GNA11: variants seen among roughly 807,000 people sequenced by gnomAD.
GNA11 encodes G protein subunit alpha 11.
A neutral mutation model predicts 38.2 loss-of-function variants in GNA11; 8 were observed. The ratio of observed to expected loss-of-function variants is 0.21; its 90% CI spans 0.12 to 0.38. The LOEUF (loss-of-function observed/expected upper bound fraction) is 0.38, where lower values mean the gene tolerates loss of function less well. Ranked by LOEUF, GNA11 falls within the 10% of genes least tolerant of loss-of-function variation. GNA11 has a pLI of 1.00. For synonymous variants in GNA11, 211 were observed against 221.4 expected, an observed-to-expected ratio of 0.95 and a Z score of 0.42; for missense variants, 268 against 516.3, an observed-to-expected ratio of 0.52 and a Z score of 4.66.
At chr19:3,102,217 A>G (rs1412974803) in intron 1 of GNA11, among the ~76,000 whole-genome samples, 1 of 152,124 alleles carries the variant, frequency 6.6e-6, no homozygotes, top group Non-Finnish European at 1.5e-5. Flanking sequence ...GCCAGTCTGC[A>G]CGGAAGCCTC....
In GNA11 at chr19:3,119,136, C is replaced by A. The variant is rs1914001803; in HGVS notation, c.736-70C>A. The A allele has an allele frequency of 6.2e-7, 1 of 1,604,332 alleles. No homozygotes were observed. Among genetic ancestry groups the A allele is most frequent in the South Asian group, 1.1e-5 (1 of 90,764 alleles). On this transcript the variant is annotated intron_variant, in intron 5 of 6. Coordinates refer to ENST00000078429, the MANE Select transcript of GNA11 (RefSeq NM_002067.5). This position sits in a 1 kb window ranked among gnomAD's most constrained non-coding sequence, Gnocchi z 4.6. ...GCCTGGGTCCCCTCACCTGGGTCCC[C>A]CCAGCTGCCCCTTGGGCTGTGTGCA... is the stretch of plus-strand genomic sequence containing the variant.
Position 3,120,848 on chromosome 19 carries a change from G to C in GNA11, c.890-141G>C, listed in dbSNP as rs1195065616. On this transcript the variant is annotated intron_variant, in intron 6 of 6. Transcript: ENST00000078429. The surrounding 1 kb of genome is among the most constrained non-coding windows in gnomAD (Gnocchi z 5.9). ...TGGGGAGGGAGGGGAGCTGCGGCCC[G>C]TCAGGCATGCAGTGGGCTGGGGGTC... The C allele has an allele frequency of 1.6e-6, 1 of 610,306 alleles. No individual in the cohort carries two copies. Among genetic ancestry groups the C allele is most frequent in the East Asian group, 2.8e-5 (1 of 35,612 alleles). The allele number at this position is 610,306 out of a possible 1,614,324, so 37.8% of individuals were successfully genotyped here. A position where few individuals can be genotyped will look rare whatever the true frequency, so the allele number is the denominator to read the frequency against.
chr19:3,120,293 C>T lies in GNA11; in HGVS notation c.890-696C>T, dbSNP rs568364230. ...CGGGGGGCGCTGCACCTGCTCCAGC[C>T]GCACGTGGCCCCTGCCCAGCAGCCT... On this transcript the variant is annotated intron_variant, in intron 6 of 6. Coordinates refer to ENST00000078429, the MANE Select transcript of GNA11 (RefSeq NM_002067.5). This position sits in a 1 kb window ranked among gnomAD's most constrained non-coding sequence, Gnocchi z 5.9. Among the ~76,000 whole-genome samples, 40 of 152,050 alleles carry T rather than the reference C, an allele frequency of 2.6e-4. No individual in the cohort carries two copies. Among genetic ancestry groups the T allele is most frequent in the South Asian group, 8.3e-4 (4 of 4,812 alleles).
At position 3,094,851 on chromosome 19, in the gene GNA11, C is replaced by G; in HGVS notation, c.136+64C>G. On this transcript the variant is annotated intron_variant, in intron 1 of 6. Coordinates refer to ENST00000078429, the MANE Select transcript of GNA11 (RefSeq NM_002067.5). This position sits in a 1 kb window ranked among gnomAD's most constrained non-coding sequence, Gnocchi z 6.0. The stretch of plus-strand genomic sequence containing the variant: ...CCCTGCCTGTGCCTGCCCTGCCTGT[C>G]CGGGTCGGGCCGGGACCCTCCGGGG... 8.1e-7 allele frequency: 1 copy of G among 1,241,740 alleles called. No individual in the cohort carries two copies. Among genetic ancestry groups the G allele is most frequent in the East Asian group, 3.1e-5 (1 of 32,538 alleles). 76.9% of individuals were successfully genotyped at this position (1,241,740 alleles called of 1,614,324 possible). A position where few individuals can be genotyped will look rare whatever the true frequency, so the allele number is the denominator to read the frequency against.
rs1568281513 is a variant in GNA11, at chr19:3,108,991, C to T, written c.137-1158C>T. ...AGAGCCCCTGACCCGAGACTGAGGG[C>T]AAGGAGGAAGGCCTGTGCCTTTTGT... On this transcript the variant is annotated intron_variant, in intron 1 of 6. Coordinates refer to ENST00000078429, the MANE Select transcript of GNA11 (RefSeq NM_002067.5). The surrounding 1 kb of genome is among the most constrained non-coding windows in gnomAD (Gnocchi z 4.5). Among the ~76,000 whole-genome samples the T allele has an allele frequency of 6.6e-6, 1 of 152,194 alleles. No individual in the cohort carries two copies. Among genetic ancestry groups the T allele is most frequent in the Non-Finnish European group, 1.5e-5 (1 of 68,032 alleles).
chr19:3,115,792 G>T (rs1632359), intron 4 of GNA11, among the ~76,000 whole-genome samples: 10 of 72,716 alleles, frequency 1.4e-4, no homozygotes, highest in African/African-American at 4.6e-4. Flanking sequence ...GGGAGGGGGG[G>T]GGTCACGGGG....
At chr19:3,117,908 C>T (rs545525451) in intron 4 of GNA11, 2 of 152,474 alleles carry the variant, frequency 1.3e-5, no homozygotes, top group East Asian at 1.9e-4. Flanking sequence ...CGGATCCCAG[C>T]CCTGCCGGCC....
At chr19:3,095,560 A>G (rs1913343443) in intron 1 of GNA11, among the ~76,000 whole-genome samples, 1 of 144,382 alleles carries the variant, frequency 6.9e-6, no homozygotes, top group Non-Finnish European at 1.5e-5. Context: ...CGTGTCCCCT[A>G]TCCCCACATT....
intron 1 of GNA11, among the ~76,000 whole-genome samples, chr19:3,109,934 G>A (rs1817706901): frequency 1.3e-5 from 2 of 152,166 alleles, no homozygotes; most frequent in Admixed American, 6.5e-5. Context: ...GGTGGTTCCA[G>A]TAAGACCCTG....
Position 3,121,264 on chromosome 19 carries a change from G to A in GNA11, c.*85G>A. 9.7e-7 allele frequency: 1 copy of A among 1,031,676 alleles called. No homozygotes were observed. Among genetic ancestry groups the A allele is most frequent in the Non-Finnish European group, 1.4e-6 (1 of 695,218 alleles). 63.9% of individuals were successfully genotyped at this position (1,031,676 alleles called of 1,614,324 possible). On this transcript the variant is annotated 3_prime_UTR_variant, in exon 7 of 7. Transcript: ENST00000078429. ...CTGCGGCTGCCGGGCGGGTGGCGCT[G>A]CCGAGTCCGGGCCGGGGCCTCTGCC...
intron 1 of GNA11, among the ~76,000 whole-genome samples, chr19:3,095,486 C>T (rs571782808): frequency 5.4e-4 from 81 of 150,746 alleles, no homozygotes; most frequent in African/African-American, 2.0e-3. Flanking sequence ...CCTGTACACT[C>T]CATGCAGGCC....
rs572230240 is a variant in GNA11 at position 3,115,941 on chromosome 19, G to A, written c.605+869G>A. Among the ~76,000 whole-genome samples, 161 of 137,474 alleles carry A rather than the reference G, an allele frequency of 1.2e-3. 2 individuals are homozygous for A. Among genetic ancestry groups the A allele is most frequent in the African/African-American group, 5.4e-3 (157 of 29,082 alleles). The allele number at this position is 137,474 out of a possible 152,430, so 90.2% of individuals were successfully genotyped here. A position where few individuals can be genotyped will look rare whatever the true frequency, so the allele number is the denominator to read the frequency against. ...GGGGTCATGGGGACCGAGGCTGTGA[G>A]GGGAGGAGGGGTCGTGGGGACCGAG... On this transcript the variant is annotated intron_variant, in intron 4 of 6. Coordinates refer to ENST00000078429, the MANE Select transcript of GNA11 (RefSeq NM_002067.5).
At chr19:3,106,228 G>C (rs924592592) in intron 1 of GNA11, among the ~76,000 whole-genome samples, 1 of 152,162 alleles carries the variant, frequency 6.6e-6, no homozygotes, top group South Asian at 2.1e-4. Context: ...CCCCAGCCGC[G>C]GGGTGTGAGG....
chr19:3,105,953 AGGC>A (rs1035927013), intron 1 of GNA11, among the ~76,000 whole-genome samples: 17 of 151,990 alleles, frequency 1.1e-4, no homozygotes, highest in African/African-American at 4.1e-4. Context: ...GTCCAGAGTG[AGGC>A]GGCATCTCGG....
rs1913306918 is a variant in GNA11, at chr19:3,094,466, C to T, written c.-186C>T. The T allele has an allele frequency of 6.8e-6, 1 of 146,542 alleles. No individual in the cohort carries two copies. Among genetic ancestry groups the T allele is most frequent in the Non-Finnish European group, 1.5e-5 (1 of 65,880 alleles). 9.1% of individuals were successfully genotyped at this position (146,542 alleles called of 1,614,324 possible). A position where few individuals can be genotyped will look rare whatever the true frequency, so the allele number is the denominator to read the frequency against. ...GCGCGGGAGTCCGCGGCTGGCGCGG[C>T]CCGAGCGGGGACCCGGCGGCTCGCC... On this transcript the variant is annotated 5_prime_UTR_variant, in exon 1 of 7. Transcript: ENST00000078429. This position sits in a 1 kb window ranked among gnomAD's most constrained non-coding sequence, Gnocchi z 6.0.
intron 1 of GNA11, among the ~76,000 whole-genome samples, chr19:3,101,876 T>C (rs1429627629): frequency 6.6e-6 from 1 of 152,064 alleles, no homozygotes; most frequent in Non-Finnish European, 1.5e-5. Flanking sequence ...GGCAGATCAC[T>C]CAAGTCCAGG....
intron 3 of GNA11, 77 bp downstream of exon 3, chr19:3,113,561 C>A (rs375869804): frequency 1.2e-5 from 14 of 1,173,972 alleles, no homozygotes; most frequent in Non-Finnish European, 1.5e-5. Flanking sequence ...GGAAGGCCTC[C>A]GCGGCGTCTG....
chr19:3,120,697 G>A lies in GNA11; in HGVS notation c.890-292G>A, dbSNP rs986125840. Among the ~76,000 whole-genome samples the A allele has an allele frequency of 1.3e-5, 2 of 152,154 alleles. No homozygotes were observed. Among genetic ancestry groups the A allele is most frequent in the Non-Finnish European group, 2.9e-5 (2 of 68,002 alleles). Reference sequence around the variant, plus strand: ...CCTGGAAGGCTGTGGCTGTGGAGCTGAGTGGATAGAGGCCGGCAGAGGGCT... The same window carrying A: ...CCTGGAAGGCTGTGGCTGTGGAGCTAAGTGGATAGAGGCCGGCAGAGGGCT... On this transcript the variant is annotated intron_variant, in intron 6 of 6. Transcript: ENST00000078429. This position sits in a 1 kb window ranked among gnomAD's most constrained non-coding sequence, Gnocchi z 5.9.
At chr19:3,098,620 G>A (rs1380930874) in intron 1 of GNA11, among the ~76,000 whole-genome samples, 9 of 152,226 alleles carry the variant, frequency 5.9e-5, no homozygotes, top group African/African-American at 2.2e-4. Context: ...CTTCCTGTCC[G>A]GCCTGCGCCA....
Sources: allele counts gnomAD v4.1 joint callset (sites outside exome capture counted in the v4.1 genomes callset), GRCh38; gene constraint gnomAD v4.1.1; non-coding constraint Gnocchi (gnomAD v3.1); transcripts MANE v1.5; gene names NCBI Gene and HGNC (gene_info 2026-07-23, HGNC 2026-07-21).